The following ABCC1 variants were observed in gnomAD, a reference collection of about 807,000 sequenced individuals.
ABCC1 encodes the protein multidrug resistance-associated protein 1.
In ABCC1, 83 loss-of-function variants were observed where a neutral mutation model predicts 172.9. The observed-to-expected ratio is 0.48, with a 90% confidence interval of 0.40 to 0.58. The LOEUF (loss-of-function observed/expected upper bound fraction) is 0.58, where lower values mean the gene tolerates loss of function less well. ABCC1 is among the 20% of genes least tolerant of loss of function. The pLI is 0.00. For missense variants in ABCC1, 1,817 were observed against 2,002.7 expected (o/e 0.91, Z 1.77); for synonymous variants, 937 against 825.2 (o/e 1.14, Z -2.32).
chr16:16,119,818 T>C (rs1024207514), intron 23 of ABCC1, among the ~76,000 whole-genome samples: 3 of 152,186 alleles, frequency 2.0e-5, no homozygotes, highest in African/African-American at 7.2e-5. Flanking sequence ...GATTTGCATC[T>C]GGATTGTTCA....
In ABCC1 at chr16:16,052,746, C is replaced by T; in HGVS notation, c.1403C>T (p.Ala468Val). The T allele has an allele frequency of 3.1e-6, 5 of 1,614,122 alleles. No homozygotes were observed. The highest frequency in any genetic ancestry group is 4.2e-6 in the Non-Finnish European group (5 of 1,180,016). ...LWLNLGPSVLAGVAVMVLMVP... is the reference protein window; with the variant it reads ...LWLNLGPSVLVGVAVMVLMVP... ...TAGAATCTGGGCCCTTCCGTCCTGG[C>T]TGGAGTGGCGGTGATGGTCCTCATG... Residue 468 changes from alanine (A) to valine (V), a missense_variant, in exon 11 of 31, where the codon GCT (alanine) becomes GTT (valine). This residue lies in a region of ABCC1 where 1,412 missense variants were observed against 1,600.3 expected (regional missense o/e 0.88). Coordinates refer to ENST00000399410, the MANE Select transcript of ABCC1 (RefSeq NM_004996.4).
chr16:16,071,551 C>T, intron 13 of ABCC1, 91 bp from the exon 14 acceptor site: 1 of 1,046,244 alleles, frequency 9.6e-7, no homozygotes, highest in South Asian at 1.4e-5. Flanking sequence ...TGCCCCTCCA[C>T]ACCTGGGGAA....
chr16:16,082,483 A>G (rs1481040266), intron 16 of ABCC1, among the ~76,000 whole-genome samples: 1 of 152,212 alleles, frequency 6.6e-6, no homozygotes, highest in Admixed American at 6.5e-5. Flanking sequence ...TACACAAAAC[A>G]AATATCCTTA....
chr16:16,035,600 G>T (rs192721814), intron 6 of ABCC1, among the ~76,000 whole-genome samples: 2 of 150,422 alleles, frequency 1.3e-5, no homozygotes, highest in Admixed American at 1.3e-4. Flanking sequence ...GAGCAATCCT[G>T]CCACCTCAGC....
At chr16:16,076,057 C>G in intron 14 of ABCC1, 1 of 501,140 alleles carries the variant, frequency 2.0e-6, no homozygotes, top group Non-Finnish European at 3.5e-6. Flanking sequence ...AGTCATCTCC[C>G]AAGATGATCG....
chr16:16,021,366 G>C, intron 5 of ABCC1, among the ~76,000 whole-genome samples: 1 of 151,714 alleles, frequency 6.6e-6, no homozygotes, highest in Non-Finnish European at 1.5e-5. Context: ...TGTAACCTAA[G>C]ATTTGCCATT....
chr16:16,065,884 A>G (rs1351387697), intron 12 of ABCC1, among the ~76,000 whole-genome samples: 2 of 152,130 alleles, frequency 1.3e-5, no homozygotes, highest in East Asian at 1.9e-4. Context: ...ATCGAAATGT[A>G]TTTTTTTAAC....
intron 7 of ABCC1, among the ~76,000 whole-genome samples, chr16:16,042,634 C>T (rs1476875290): frequency 5.4e-5 from 8 of 149,520 alleles, no homozygotes; most frequent in Admixed American, 2.7e-4. Context: ...ACGCAGGAGG[C>T]GGAGGTTGCA....
intron 1 of ABCC1, among the ~76,000 whole-genome samples, chr16:15,980,813 A>G (rs2046605089): frequency 6.6e-6 from 1 of 152,154 alleles, no homozygotes; most frequent in South Asian, 2.1e-4. Context: ...AGCTCATTCC[A>G]GCATTAACCC....
chr16:16,004,821 A>G (rs2047462848), intron 1 of ABCC1, among the ~76,000 whole-genome samples: 1 of 150,596 alleles, frequency 6.6e-6, no homozygotes, highest in African/African-American at 2.4e-5. Context: ...TGCCCGGCTA[A>G]TTTTTATGTT....
chr16:16,040,855 A>G (rs1306969470), intron 7 of ABCC1, among the ~76,000 whole-genome samples: 1 of 152,136 alleles, frequency 6.6e-6, no homozygotes, highest in Admixed American at 6.6e-5. Flanking sequence ...GAGTGAAGGC[A>G]GGGAGACCAG....
intron 1 of ABCC1, among the ~76,000 whole-genome samples, chr16:15,991,053 G>A (rs375050205): frequency 6.6e-6 from 1 of 152,122 alleles, no homozygotes; most frequent in African/African-American, 2.4e-5. Flanking sequence ...TAGACATTTA[G>A]TTGTCTCCAT....
At position 16,102,542 on chromosome 16, in the gene ABCC1, ACT is replaced by A. The variant is rs2051810417; in HGVS notation, c.2645-84_2645-83del. Reference sequence around the variant, plus strand: ...CGGCCAGGTGCTCTGTGGTCTCCTCACTGAAGTGGCCGGTTTTTGTTGCCCTT... The same window carrying A: ...CGGCCAGGTGCTCTGTGGTCTCCTCAGAAGTGGCCGGTTTTTGTTGCCCTT... On this transcript the variant is annotated intron_variant, in intron 19 of 30. Transcript: ENST00000399410. 1.3e-5 allele frequency: 16 copies of A among 1,279,966 alleles called. No homozygotes were observed. The African/African-American group carries it at 2.4e-4, about 19-fold the overall frequency. The allele number at this position is 1,279,966 out of a possible 1,614,324, so 79.3% of individuals were successfully genotyped here. A position where few individuals can be genotyped will look rare whatever the true frequency, so the allele number is the denominator to read the frequency against.
intron 12 of ABCC1, among the ~76,000 whole-genome samples, chr16:16,057,990 C>G (rs1402976069): frequency 6.6e-6 from 1 of 152,054 alleles, no homozygotes; most frequent in Non-Finnish European, 1.5e-5. Context: ...GCAGATGCGC[C>G]CTGCTGGAAT....
intron 1 of ABCC1, among the ~76,000 whole-genome samples, chr16:15,981,745 G>A (rs1227765517): frequency 2.0e-5 from 3 of 152,104 alleles, no homozygotes; most frequent in African/African-American, 4.8e-5. Context: ...ATTAACATTT[G>A]GTTCCGTTTT....
intron 20 of ABCC1, 69 bp downstream of exon 20, chr16:16,102,786 A>G: frequency 1.4e-6 from 2 of 1,434,814 alleles, no homozygotes; most frequent in Non-Finnish European, 1.9e-6. Context: ...GAGGAGGAAC[A>G]AAAAAAGGCC....
At position 16,052,161 on chromosome 16, in the gene ABCC1, C is replaced by T. The variant is rs146376597; in HGVS notation, c.1381-563C>T. Among the ~76,000 whole-genome samples the T allele has an allele frequency of 1.8e-3, 274 of 151,352 alleles. 1 individual carries two copies. The highest frequency in any genetic ancestry group is 5.7e-3 in the African/African-American group (236 of 41,182). On this transcript the variant is annotated intron_variant, in intron 10 of 30. Transcript: ENST00000399410. ...GGAGGATCACTTGAGCCCAGGAGAT[C>T]GAGAGCAGTTTGAGTAACATAGTGA... is the stretch of plus-strand genomic sequence containing the variant.
At position 16,131,936 on chromosome 16, in the gene ABCC1, G is replaced by A. The variant is rs2045692402; in HGVS notation, c.3966+1G>A. The stretch of plus-strand genomic sequence containing the variant: ...TGTCACGATCAATGGGGGAGAAAAG[G>A]TGGGTACACATCGCCCCATTCCCTC... On this transcript the variant is annotated splice_donor_variant, in intron 27 of 30. Transcript: ENST00000399410. LOFTEE classifies it high-confidence loss of function. The A allele has an allele frequency of 1.2e-6, 2 of 1,613,562 alleles. No individual in the cohort carries two copies.
intron 16 of ABCC1, among the ~76,000 whole-genome samples, chr16:16,082,508 C>G (rs2151992367): frequency 6.6e-6 from 1 of 152,302 alleles, no homozygotes; most frequent in East Asian, 1.9e-4. Context: ...AGCCTTTATT[C>G]TCATGCTGTT....
Sources: allele counts gnomAD v4.1 joint callset (sites outside exome capture counted in the v4.1 genomes callset), GRCh38; gene constraint gnomAD v4.1.1; regional missense constraint gnomAD v4.1.1; transcripts MANE v1.5; gene names NCBI Gene and HGNC (gene_info 2026-07-23, HGNC 2026-07-21).